The following KCNN2 variants were observed in gnomAD, a reference collection of about 807,000 sequenced individuals.
The protein encoded by KCNN2 is small conductance calcium-activated potassium channel protein 2.
In KCNN2, 24 loss-of-function variants were observed where a neutral mutation model predicts 55.5. The observed-to-expected ratio is 0.43, with a 90% CI of 0.31 to 0.61. The LOEUF is 0.61. Among genes scored for constraint, KCNN2 ranks in the 20% least tolerant of loss-of-function variants. KCNN2 has a pLI of 0.08. For synonymous variants in KCNN2, 431 were observed against 336.1 expected, an observed-to-expected ratio of 1.28 and a Z score of -3.09; for missense variants, 754 against 853.6, an observed-to-expected ratio of 0.88 and a Z score of 1.45.
chr5:114,415,328 C>G (rs1001783855), intron 3 of KCNN2, among the ~76,000 whole-genome samples: 2 of 152,264 alleles, frequency 1.3e-5, no homozygotes, highest in Admixed American at 6.5e-5. Flanking sequence ...CTTAGGTAGC[C>G]ATCTAAGAGT....
chr5:114,135,968 A>G (rs367793674), intron 1 of KCNN2, among the ~76,000 whole-genome samples: 2 of 152,172 alleles, frequency 1.3e-5, no homozygotes, highest in South Asian at 2.1e-4. Context: ...TAAGAGCTAC[A>G]TAAAGAAGGA....
chr5:114,059,366 C>G (rs1033523944), intron 1 of KCNN2, among the ~76,000 whole-genome samples: 2 of 152,100 alleles, frequency 1.3e-5, no homozygotes, highest in Non-Finnish European at 2.9e-5. Flanking sequence ...GATAGTGAGA[C>G]ATGAGTATGA....
chr5:114,261,778 T>G (rs1447135703), intron 2 of KCNN2, among the ~76,000 whole-genome samples: 1 of 152,226 alleles, frequency 6.6e-6, no homozygotes, highest in East Asian at 1.9e-4. Context: ...CAGAAAGTTC[T>G]CAGCTCTCTC....
At chr5:114,115,498 A>G (rs1199214270) in intron 1 of KCNN2, among the ~76,000 whole-genome samples, 2 of 152,094 alleles carry the variant, frequency 1.3e-5, no homozygotes, top group African/African-American at 4.8e-5. Flanking sequence ...TCGCTTGGGT[A>G]ACTTTCATCA....
chr5:114,168,309 A>C (rs1752961913), intron 1 of KCNN2, among the ~76,000 whole-genome samples: 1 of 151,934 alleles, frequency 6.6e-6, no homozygotes, highest in Non-Finnish European at 1.5e-5. Flanking sequence ...ACCATGTTTT[A>C]CTTTAATAAG....
At chr5:114,276,719 C>G (rs1406149624) in intron 2 of KCNN2, among the ~76,000 whole-genome samples, 4 of 140,030 alleles carry the variant, frequency 2.9e-5, no homozygotes, top group African/African-American at 1.1e-4. Context: ...TTATTTTGAG[C>G]CTATGTGTGT....
chr5:114,496,439 T>TCAAA lies in KCNN2; in HGVS notation c.*263_*266dup, dbSNP rs994529981. The TCAAA allele has an allele frequency of 2.3e-5, 9 of 396,638 alleles. No individual in the cohort carries two copies. Among genetic ancestry groups the TCAAA allele is most frequent in the African/African-American group, 1.2e-4 (6 of 49,622 alleles). 24.6% of individuals were successfully genotyped at this position (396,638 alleles called of 1,614,324 possible). On this transcript the variant is annotated 3_prime_UTR_variant, in exon 8 of 8. Coordinates refer to ENST00000673685, the MANE Select transcript of KCNN2 (RefSeq NM_021614.4). ...TTCACTAACTTTTTATTCATGCACT[T>TCAAA]CAAACAAACTTTACTACTACATTAT...
intron 1 of KCNN2, among the ~76,000 whole-genome samples, chr5:114,194,960 T>C (rs1753522469): frequency 6.6e-6 from 1 of 151,854 alleles, no homozygotes; most frequent in Admixed American, 6.6e-5. Flanking sequence ...TGTTTCCCCA[T>C]TCAATTGTCT....
intron 2 of KCNN2, among the ~76,000 whole-genome samples, chr5:114,397,616 A>G (rs1580788918): frequency 1.3e-5 from 2 of 152,078 alleles, no homozygotes; most frequent in African/African-American, 2.4e-5. Flanking sequence ...TGAACTCTTG[A>G]CCTCAAGTGA....
At chr5:114,393,816 C>G (rs1262354392) in intron 2 of KCNN2, among the ~76,000 whole-genome samples, 2 of 151,438 alleles carry the variant, frequency 1.3e-5, no homozygotes. Flanking sequence ...CTTGATATCT[C>G]TTTTTAATAG....
chr5:114,126,688 C>T (rs1352031065), intron 1 of KCNN2, among the ~76,000 whole-genome samples: 2 of 152,146 alleles, frequency 1.3e-5, no homozygotes, highest in Admixed American at 6.5e-5. Context: ...GCCTTTCCAA[C>T]AAAGCCTTAA....
chr5:114,336,117 A>G (rs1756919243), intron 2 of KCNN2, among the ~76,000 whole-genome samples: 1 of 152,212 alleles, frequency 6.6e-6, no homozygotes. Context: ...TAAGTACACG[A>G]ATAAGGAGGA....
chr5:114,147,554 G>C (rs530308839), intron 1 of KCNN2, among the ~76,000 whole-genome samples: 1 of 152,248 alleles, frequency 6.6e-6, no homozygotes, highest in African/African-American at 2.4e-5. Context: ...AACTAAATTT[G>C]TAAAGGCAAA....
chr5:114,067,788 C>T (rs951151020), intron 1 of KCNN2, among the ~76,000 whole-genome samples: 7 of 152,102 alleles, frequency 4.6e-5, no homozygotes, highest in African/African-American at 1.7e-4. Context: ...TTCATTTGCT[C>T]CAATTTAATT....
At position 114,085,905 on chromosome 5, in the gene KCNN2, C is replaced by T. The variant is rs567278981; in HGVS notation, c.-271+29405C>T. Among the ~76,000 whole-genome samples the T allele has an allele frequency of 8.7e-4, 133 of 152,158 alleles. No homozygotes were observed. In the Middle Eastern group the frequency reaches 0.01, roughly 12 times the overall value. ...ATTTTGCTTTATATATTTTGAAGCACTGTCATTTGGTACATACACACTGAG... is the reference window on the plus strand; with the variant it reads ...ATTTTGCTTTATATATTTTGAAGCATTGTCATTTGGTACATACACACTGAG... On this transcript the variant is annotated intron_variant, in intron 1 of 10. Transcript: ENST00000512097.
chr5:114,267,127 C>A (rs1278883598), intron 2 of KCNN2, among the ~76,000 whole-genome samples: 1 of 151,852 alleles, frequency 6.6e-6, no homozygotes, highest in African/African-American at 2.4e-5. Context: ...TCCTGAGTAG[C>A]TGGGACTAAA....
chr5:114,138,985 C>G (rs886838322), intron 1 of KCNN2, among the ~76,000 whole-genome samples: 74 of 152,114 alleles, frequency 4.9e-4, no homozygotes, highest in African/African-American at 1.8e-3. Flanking sequence ...GAAATAAATA[C>G]TATACCTTTT....
chr5:114,187,815 T>G (rs942419935), intron 1 of KCNN2, among the ~76,000 whole-genome samples: 37 of 150,166 alleles, frequency 2.5e-4, no homozygotes, highest in Non-Finnish European at 4.0e-4. Flanking sequence ...CCCCTTTTTT[T>G]TCTTTTTTTT....
intron 2 of KCNN2, among the ~76,000 whole-genome samples, chr5:114,282,261 T>G (rs1490578065): frequency 6.6e-6 from 1 of 152,102 alleles, no homozygotes; most frequent in Non-Finnish European, 1.5e-5. Flanking sequence ...GGGAATTCAT[T>G]TTTACTTTGG....
Sources: gnomAD v4.1 joint callset for allele counts (sites outside exome capture counted in the v4.1 genomes callset) on GRCh38, gnomAD v4.1.1 for gene constraint, MANE v1.5 for transcripts, NCBI Gene and HGNC (gene_info 2026-07-23, HGNC 2026-07-21) for gene names.